NRG3: variants seen among roughly 807,000 people sequenced by gnomAD.
NRG3 encodes the protein neuregulin 3, also known as pro-neuregulin-3, membrane-bound isoform.
In NRG3, 31 loss-of-function variants were observed where a neutral mutation model predicts 66.9. The ratio of observed to expected loss-of-function variants is 0.46; its 90% CI spans 0.35 to 0.63. The LOEUF is 0.63. Ranked by LOEUF, NRG3 falls within the 20% of genes least tolerant of loss-of-function variation. The probability of loss-of-function intolerance (pLI) is 0.00; values close to 1 mark genes in which losing one functional copy is unlikely to be tolerated. For synonymous variants in NRG3, 393 were observed against 359.4 expected (o/e 1.09, Z -1.06); for missense variants, 910 against 878.9 (o/e 1.04, Z -0.45).
At chr10:82,070,534 A>G (rs765262360) in intron 1 of NRG3, among the ~76,000 whole-genome samples, 4 of 152,184 alleles carry the variant, frequency 2.6e-5, no homozygotes, top group Non-Finnish European at 4.4e-5. Context: ...AAAATGTTAA[A>G]TGTTATTGTG....
rs149652259 is a variant in NRG3, at chr10:82,892,738, C to A, written c.1054+27301C>A. Among the ~76,000 whole-genome samples the A allele has an allele frequency of 5.4e-3, 818 of 151,616 alleles. 9 individuals are homozygous for A. Among genetic ancestry groups the A allele is most frequent in the African/African-American group, 0.015 (610 of 41,440 alleles). The stretch of plus-strand genomic sequence containing the variant: ...AAAATAAATTTAAAAAATAAATCTT[C>A]ATAATCAATGGACATATGCACATAC... On this transcript the variant is annotated intron_variant, in intron 4 of 8. Coordinates refer to ENST00000372141, the MANE Select transcript of NRG3 (RefSeq NM_001010848.4).
rs1376387845 is a variant in NRG3 at position 82,201,267 on chromosome 10, A to G, written c.824-157472A>G. 5.9e-5 allele frequency among the ~76,000 whole-genome samples: 9 copies of G among 151,678 alleles called. No homozygotes were observed. In the East Asian group the frequency reaches 1.8e-3, roughly 30 times the overall value. On this transcript the variant is annotated intron_variant, in intron 1 of 8. Transcript: ENST00000372141. Reference sequence around the variant, plus strand: ...CCACTGGAGCCAGAGGGGCCTCTAGAAAGGCCTGGACTCCATGGCCAGAGG... The same window carrying G: ...CCACTGGAGCCAGAGGGGCCTCTAGGAAGGCCTGGACTCCATGGCCAGAGG...
At chr10:82,094,638 A>T (rs1156709858) in intron 1 of NRG3, among the ~76,000 whole-genome samples, 7 of 152,204 alleles carry the variant, frequency 4.6e-5, no homozygotes, top group African/African-American at 1.7e-4. Context: ...GTGTATATAT[A>T]TCTGTCACAT....
At chr10:82,305,203 G>C (rs1331064455) in intron 1 of NRG3, among the ~76,000 whole-genome samples, 1 of 151,858 alleles carries the variant, frequency 6.6e-6, no homozygotes, top group Admixed American at 6.6e-5. Flanking sequence ...CACCGTGCTA[G>C]CCAGGATGGT....
At chr10:82,898,982 T>A (rs528338121) in intron 4 of NRG3, among the ~76,000 whole-genome samples, 1 of 152,136 alleles carries the variant, frequency 6.6e-6, no homozygotes, top group East Asian at 1.9e-4. Flanking sequence ...AGTGCTGGGA[T>A]TACAGGCTTG....
chr10:82,394,108 C>G, intron 2 of NRG3, among the ~76,000 whole-genome samples: 1 of 152,174 alleles, frequency 6.6e-6, no homozygotes, highest in Non-Finnish European at 1.5e-5. Flanking sequence ...TAACATCACA[C>G]TGTGCTATTT....
intron 1 of NRG3, among the ~76,000 whole-genome samples, chr10:82,016,821 C>T (rs1051517761): frequency 9.9e-5 from 15 of 151,998 alleles, no homozygotes; most frequent in African/African-American, 3.4e-4. Flanking sequence ...ATTATATGTC[C>T]ACATTTGACC....
intron 1 of NRG3, among the ~76,000 whole-genome samples, chr10:82,124,023 C>A (rs2068266664): frequency 6.6e-6 from 1 of 151,996 alleles, no homozygotes; most frequent in Admixed American, 6.6e-5. Flanking sequence ...ATCCTTCAGA[C>A]CCTCAATACC....
chr10:82,368,866 C>A (rs1316415945), intron 2 of NRG3, among the ~76,000 whole-genome samples: 1 of 138,462 alleles, frequency 7.2e-6, no homozygotes, highest in African/African-American at 3.4e-5. Context: ...GCCGTGCAAG[C>A]TTCTTGGGTA....
chr10:82,761,922 C>CTCTTTCCT (rs1555028705), intron 3 of NRG3, among the ~76,000 whole-genome samples: 1 of 123,852 alleles, frequency 8.1e-6, no homozygotes, highest in East Asian at 2.4e-4. Flanking sequence ...TTCTTTCTTT[C>CTCTTTCCT]TCTTTCTTTC....
chr10:82,612,955 G>T (rs1220775955), intron 2 of NRG3, among the ~76,000 whole-genome samples: 1 of 152,170 alleles, frequency 6.6e-6, no homozygotes, highest in African/African-American at 2.4e-5. Flanking sequence ...AATATAAAAT[G>T]AATTTGTTTT....
At chr10:82,712,876 T>G (rs1184902279) in intron 2 of NRG3, among the ~76,000 whole-genome samples, 1 of 151,982 alleles carries the variant, frequency 6.6e-6, no homozygotes, top group Non-Finnish European at 1.5e-5. Flanking sequence ...TCCCAGCATT[T>G]TGGAAGGCCA....
At chr10:82,802,684 G>A (rs542956105) in intron 3 of NRG3, among the ~76,000 whole-genome samples, 2 of 151,730 alleles carry the variant, frequency 1.3e-5, no homozygotes, top group Admixed American at 6.6e-5. Flanking sequence ...ACAAGATCTC[G>A]CTCTGTCACC....
intron 3 of NRG3, among the ~76,000 whole-genome samples, chr10:82,776,441 C>T (rs2135229202): frequency 6.6e-6 from 1 of 152,168 alleles, no homozygotes; most frequent in South Asian, 2.1e-4. Context: ...GACTTTTGAG[C>T]TTCATGGATC....
chr10:82,026,348 T>G (rs2062305331), intron 1 of NRG3, among the ~76,000 whole-genome samples: 1 of 152,034 alleles, frequency 6.6e-6, no homozygotes, highest in East Asian at 1.9e-4. Context: ...AAAATATTGT[T>G]ATGGACACTG....
chr10:82,580,388 A>T (rs1379471184), intron 2 of NRG3, among the ~76,000 whole-genome samples: 1 of 151,996 alleles, frequency 6.6e-6, no homozygotes, highest in Admixed American at 6.6e-5. Flanking sequence ...ATTGAAGAAC[A>T]AATATGGAAA....
intron 3 of NRG3, among the ~76,000 whole-genome samples, chr10:82,813,447 C>A (rs1215478523): frequency 6.6e-6 from 1 of 152,028 alleles, no homozygotes; most frequent in African/African-American, 2.4e-5. Context: ...CTCCTGACCT[C>A]AAGTGATCCA....
At chr10:82,471,251 C>A (rs1358081059) in intron 2 of NRG3, among the ~76,000 whole-genome samples, 1 of 152,084 alleles carries the variant, frequency 6.6e-6, no homozygotes, top group Non-Finnish European at 1.5e-5. Context: ...CCCATTTGAC[C>A]ACCCTGGAAC....
chr10:82,964,902 T>G (rs1472740864), intron 6 of NRG3, among the ~76,000 whole-genome samples: 1 of 152,222 alleles, frequency 6.6e-6, no homozygotes, highest in East Asian at 1.9e-4. Context: ...GTTATTCTAC[T>G]GCCAACATGC....
Sources: gnomAD v4.1 joint callset for allele counts (sites outside exome capture counted in the v4.1 genomes callset) on GRCh38, gnomAD v4.1.1 for gene constraint, MANE v1.5 for transcripts, NCBI Gene and HGNC (gene_info 2026-07-23, HGNC 2026-07-21) for gene names.